CAPRIN1: variants seen among roughly 807,000 people sequenced by gnomAD.
The protein encoded by CAPRIN1 is caprin-1.
Under a neutral mutation model 100.9 loss-of-function variants are expected in CAPRIN1, and 29 were observed. The ratio of observed to expected loss-of-function variants is 0.29; its 90% CI spans 0.21 to 0.39. CAPRIN1 has a LOEUF of 0.39. CAPRIN1 is among the 10% of genes least tolerant of loss of function. CAPRIN1 has a pLI of 1.00. For synonymous variants in CAPRIN1, 338 were observed against 307.5 expected (o/e 1.10, Z -1.04); for missense variants, 795 against 876.7 (o/e 0.91, Z 1.18).
intron 9 of CAPRIN1, among the ~76,000 whole-genome samples, chr11:34,084,261 G>GTTATA (rs1851093281): frequency 1.3e-5 from 2 of 152,052 alleles, no homozygotes; most frequent in African/African-American, 4.8e-5. Flanking sequence ...GCCCATAGAT[G>GTTATA]TTATAATTGT....
chr11:34,089,419 A>C lies in CAPRIN1; in HGVS notation c.1256A>C (p.Gln419Pro). 2 of 1,609,206 alleles carry C rather than the reference A, an allele frequency of 1.2e-6. No individual in the cohort carries two copies. Among genetic ancestry groups the C allele is most frequent in the Non-Finnish European group, 1.7e-6 (2 of 1,176,882 alleles). The change falls in exon 12 of 19, where the codon CAG becomes CCG. Residue 419 changes from glutamine (Q) to proline (P), a missense_variant. Physicochemically the swap from Gln to Pro is moderately conservative, Grantham distance 76. This residue lies in a region of CAPRIN1 where 648 missense variants were observed against 697.9 expected (regional missense o/e 0.93). Transcript: ENST00000341394. ...GTTCATTCTGAATCTAGACTTGCTC[A>C]GCCTAATCAAGTTCCTGTACAACCA... The part of the protein sequence containing the change: ...PPVHSESRLA[Q>P]PNQVPVQPEA...
Position 34,092,062 on chromosome 11 carries a change from A to G in CAPRIN1, c.1705+6A>G. ...GCAAGAACAGCTTCAAACAGGTACG[A>G]AATCCAGTGTCACCTCATTGGCTCC... is the stretch of plus-strand genomic sequence containing the variant. On this transcript the variant is annotated splice_donor_region_variant and intron_variant, in intron 15 of 18. Coordinates refer to ENST00000341394, the MANE Select transcript of CAPRIN1 (RefSeq NM_005898.5). 1.2e-6 allele frequency: 2 copies of G among 1,613,146 alleles called. No homozygotes were observed. Among genetic ancestry groups the G allele is most frequent in the Non-Finnish European group, 1.7e-6 (2 of 1,179,672 alleles).
In CAPRIN1 at chr11:34,088,705, C is replaced by G. The variant is rs150163241; in HGVS notation, c.1232-690C>G. Among the ~76,000 whole-genome samples, 473 of 152,116 alleles carry G rather than the reference C, an allele frequency of 3.1e-3. 3 individuals are homozygous for G. The highest frequency in any genetic ancestry group is 0.011 in the African/African-American group (451 of 41,514). On this transcript the variant is annotated intron_variant, in intron 11 of 18. Transcript: ENST00000341394. ...ACAAAAGGTCAAAATGGAATACTAT[C>G]TGTCTGAGGTCTAGAGTATGAATAA...
intron 7 of CAPRIN1, 140 bp downstream of exon 7, chr11:34,079,905 G>GCTT (rs1850980473): frequency 6.3e-6 from 2 of 316,642 alleles, no homozygotes; most frequent in African/African-American, 5.8e-5. Flanking sequence ...GCATGACAAA[G>GCTT]TTTTTTTTTT....
In CAPRIN1 at chr11:34,099,097, T is replaced by G. The variant is rs915441713; in HGVS notation, c.2066-206T>G. ...TGGTGGAATACTCCATTAGCTTTAC[T>G]CTTCTTTTAGCTAAGAGAACATGAG... is the stretch of plus-strand genomic sequence containing the variant. On this transcript the variant is annotated intron_variant, in intron 18 of 18. Coordinates refer to ENST00000341394, the MANE Select transcript of CAPRIN1 (RefSeq NM_005898.5). 4.2e-6 allele frequency: 6 copies of G among 1,424,496 alleles called. No individual in the cohort carries two copies. In the African/African-American group the frequency reaches 8.6e-5, roughly 20 times the overall value. 88.2% of individuals were successfully genotyped at this position (1,424,496 alleles called of 1,614,324 possible). A position where few individuals can be genotyped will look rare whatever the true frequency, so the allele number is the denominator to read the frequency against.
intron 2 of CAPRIN1, among the ~76,000 whole-genome samples, chr11:34,069,921 A>G (rs1000267971): frequency 1.3e-5 from 2 of 151,780 alleles, no homozygotes; most frequent in East Asian, 3.9e-4. Flanking sequence ...AAAAAAAAAA[A>G]AAAAGAAAAA....
intron 2 of CAPRIN1, among the ~76,000 whole-genome samples, chr11:34,070,410 G>A (rs1037713597): frequency 6.6e-6 from 1 of 152,120 alleles, no homozygotes; most frequent in Admixed American, 6.5e-5. Flanking sequence ...TTCCCCTTGG[G>A]GTGGGGAGCA....
chr11:34,075,879 T>C (rs968643932), intron 4 of CAPRIN1, among the ~76,000 whole-genome samples: 4 of 152,248 alleles, frequency 2.6e-5, no homozygotes, highest in African/African-American at 7.2e-5. Flanking sequence ...TTTGTACCTG[T>C]ACCCAGCTTG....
At position 34,053,149 on chromosome 11, in the gene CAPRIN1, T is replaced by G. The variant is rs999678103; in HGVS notation, c.216+513T>G. 6.1e-6 allele frequency: 6 copies of G among 988,320 alleles called. No individual in the cohort carries two copies. The South Asian group carries it at 2.7e-4, about 45-fold the overall frequency. 61.2% of individuals were successfully genotyped at this position (988,320 alleles called of 1,614,324 possible). Reference sequence around the variant, plus strand: ...CTCGAGACCTGTCGAGCGTCCCCTCTTCTTCCGTAGGAGAGAAGTGTGTTT... The same window carrying G: ...CTCGAGACCTGTCGAGCGTCCCCTCGTCTTCCGTAGGAGAGAAGTGTGTTT... On this transcript the variant is annotated intron_variant, in intron 2 of 18. Coordinates refer to ENST00000341394, the MANE Select transcript of CAPRIN1 (RefSeq NM_005898.5).
chr11:34,052,275 C>T, intron 1 of CAPRIN1, 146 bp from the exon 2 acceptor site: 1 of 669,776 alleles, frequency 1.5e-6, no homozygotes, highest in Non-Finnish European at 2.5e-6. Flanking sequence ...TTCCTGCCCT[C>T]GAGGCGCGCC....
chr11:34,066,931 A>AT (rs35440557), intron 2 of CAPRIN1, among the ~76,000 whole-genome samples: 53,541 of 130,900 alleles, frequency 0.41, 10,722 homozygotes, highest in Non-Finnish European at 0.46. Context: ...CACACCCAGC[A>AT]TTTTTTTTTT....
At chr11:34,096,277 T>A (rs1316307391) in intron 15 of CAPRIN1, 1 of 447,656 alleles carries the variant, frequency 2.2e-6, no homozygotes, top group Non-Finnish European at 3.9e-6. Context: ...GGTTGGAGAA[T>A]TTTACCCCCA....
At position 34,095,436 on chromosome 11, in the gene CAPRIN1, G is replaced by T. The variant is rs530721453; in HGVS notation, c.1706-1043G>T. ...TGGTTTACTAAGTAATTCAAGAGGA[G>T]CAGTGGCTCTCTCTTTTTCTCTAGG... On this transcript the variant is annotated intron_variant, in intron 15 of 18. Transcript: ENST00000341394. Among the ~76,000 whole-genome samples the T allele has an allele frequency of 2.0e-5, 3 of 152,348 alleles. No homozygotes were observed. The East Asian group carries it at 5.8e-4, about 29-fold the overall frequency.
intron 2 of CAPRIN1, among the ~76,000 whole-genome samples, chr11:34,067,916 T>C (rs576831019): frequency 6.6e-6 from 1 of 152,346 alleles, no homozygotes; most frequent in Admixed American, 6.5e-5. Context: ...GCTGTTTCCC[T>C]TTTCATTTCC....
rs779599460 is a variant in CAPRIN1 at position 34,071,804 on chromosome 11, T to C, written c.279+16T>C. 6.9e-7 allele frequency: 1 copy of C among 1,447,286 alleles called. No individual in the cohort carries two copies. Among genetic ancestry groups the C allele is most frequent in the South Asian group, 1.2e-5 (1 of 85,806 alleles). 89.7% of individuals were successfully genotyped at this position (1,447,286 alleles called of 1,614,324 possible). A position where few individuals can be genotyped will look rare whatever the true frequency, so the allele number is the denominator to read the frequency against. ...AGATCAGCTGGTAAAGATGTTATAT[T>C]TTTTATTTTAGACCTAATGCTCACT... On this transcript the variant is annotated intron_variant, in intron 3 of 18. Transcript: ENST00000341394.
Position 34,090,161 on chromosome 11 carries a change from T to G in CAPRIN1, c.1294-18T>G. ...TTTGTAAGCAGGAAGAAGCTTTTAT[T>G]TCTTTACTTATGTCTAGGTTCCTTT... On this transcript the variant is annotated intron_variant, in intron 12 of 18. Coordinates refer to ENST00000341394, the MANE Select transcript of CAPRIN1 (RefSeq NM_005898.5). 1 of 1,523,470 alleles carries G rather than the reference T, an allele frequency of 6.6e-7. No homozygotes were observed. Among genetic ancestry groups the G allele is most frequent in the South Asian group, 1.1e-5 (1 of 87,084 alleles). The allele number at this position is 1,523,470 out of a possible 1,614,324, so 94.4% of individuals were successfully genotyped here.
intron 2 of CAPRIN1, among the ~76,000 whole-genome samples, chr11:34,056,738 G>A (rs528476210): frequency 6.6e-6 from 1 of 152,152 alleles, no homozygotes; most frequent in Non-Finnish European, 1.5e-5. Flanking sequence ...TAGAATAAAG[G>A]ATGTTTTAAT....
chr11:34,092,111 C>T (rs1851275948), intron 15 of CAPRIN1, 55 bp downstream of exon 15: 2 of 1,577,678 alleles, frequency 1.3e-6, no homozygotes. Flanking sequence ...CAGTTATTGA[C>T]AGTGTTAGGA....
chr11:34,083,104 C>G, intron 9 of CAPRIN1, 63 bp downstream of exon 9: 1 of 1,082,590 alleles, frequency 9.2e-7, no homozygotes, highest in Non-Finnish European at 1.4e-6. Flanking sequence ...TTTATCTCTA[C>G]TGAGAACAAA....
Sources: gnomAD v4.1 joint callset for allele counts (sites outside exome capture counted in the v4.1 genomes callset) on GRCh38, gnomAD v4.1.1 for gene constraint, gnomAD v4.1.1 regional missense constraint, MANE v1.5 for transcripts, NCBI Gene and HGNC (gene_info 2026-07-23, HGNC 2026-07-21) for gene names.